OPN3: variants seen among roughly 807,000 people sequenced by gnomAD.
The protein encoded by OPN3 is opsin-3.
A neutral mutation model predicts 33.8 loss-of-function variants in OPN3; 29 were observed. That is an observed-to-expected ratio of 0.86 (90% CI 0.64 to 1.17). The LOEUF (loss-of-function observed/expected upper bound fraction) is 1.17. OPN3 is among the 50% of genes most tolerant of loss of function. The pLI, the probability that OPN3 is intolerant of heterozygous loss-of-function variation, is 0.00. For synonymous variants in OPN3, 216 were observed against 216.1 expected (o/e 1.00, Z 0.00); for missense variants, 437 against 514.1 (o/e 0.85, Z 1.45).
chr1:241,622,391 A>G (rs115101121), intron 1 of OPN3, among the ~76,000 whole-genome samples: 4 of 152,196 alleles, frequency 2.6e-5, no homozygotes, highest in Non-Finnish European at 4.4e-5. Flanking sequence ...ATGCTTTCTT[A>G]TAACTTGCCA....
chr1:241,632,782 G>T (rs1045000162), intron 1 of OPN3: 1 of 152,056 alleles, frequency 6.6e-6, no homozygotes, highest in African/African-American at 2.4e-5. Context: ...CAACAAGGTG[G>T]TATGTTTCAT....
chr1:241,607,648 A>G lies in OPN3; in HGVS notation c.374-3069T>C, dbSNP rs191281125. On this transcript the variant is annotated intron_variant, in intron 1 of 3. Transcript: ENST00000366554. ...AGAAAAAGAAAAAGGAAGAAAGAAG[A>G]AAGAAGAAAGAAAGAAAGAAAAAGG... 2.0e-5 allele frequency among the ~76,000 whole-genome samples: 3 copies of G among 150,968 alleles called. No homozygotes were observed. The East Asian group carries it at 5.9e-4, about 30-fold the overall frequency.
intron 1 of OPN3, chr1:241,630,810 T>C (rs951910080): frequency 4.6e-5 from 7 of 152,140 alleles, no homozygotes; most frequent in Non-Finnish European, 8.8e-5. Context: ...AAAAGTTATC[T>C]GTAATTAATA....
At position 241,629,633 on chromosome 1, in the gene OPN3, C is replaced by T. The variant is rs557431676; in HGVS notation, c.373+10249G>A. 5.3e-5 allele frequency: 8 copies of T among 152,130 alleles called. No individual in the cohort carries two copies. In the South Asian group the frequency reaches 1.5e-3, roughly 28 times the overall value. 9.4% of individuals were successfully genotyped at this position (152,130 alleles called of 1,614,324 possible). ...TTTAAAACTTTTTCTCTTAGTTGAT[C>T]TACCTTGCCAATTGCCATGAAGTTC... On this transcript the variant is annotated intron_variant, in intron 1 of 3. Coordinates refer to ENST00000366554, the MANE Select transcript of OPN3 (RefSeq NM_014322.3).
chr1:241,609,021 C>T (rs1308525389), intron 1 of OPN3, among the ~76,000 whole-genome samples: 1 of 152,094 alleles, frequency 6.6e-6, no homozygotes, highest in East Asian at 1.9e-4. Flanking sequence ...TATTTGATTC[C>T]CACAACACTC....
At chr1:241,634,300 T>C (rs747297803) in intron 1 of OPN3, 1 of 1,614,006 alleles carries the variant, frequency 6.2e-7, no homozygotes, top group South Asian at 1.1e-5. Context: ...CTGTGACCCG[T>C]ACAGCACAAG....
chr1:241,606,915 T>C (rs1345377295), intron 1 of OPN3, among the ~76,000 whole-genome samples: 5 of 152,236 alleles, frequency 3.3e-5, no homozygotes, highest in African/African-American at 1.2e-4. Flanking sequence ...CAATCTCTTT[T>C]TGTTTTCATA....
intron 1 of OPN3, among the ~76,000 whole-genome samples, chr1:241,627,308 C>G (rs556415085): frequency 1.2e-3 from 187 of 151,926 alleles, no homozygotes; most frequent in Non-Finnish European, 2.2e-3. Context: ...GAAGCCACCA[C>G]TTTTTAAATA....
rs746282024 is a variant in OPN3 at position 241,635,234 on chromosome 1, T to G, written c.373+4648A>C. Reference sequence around the variant, plus strand: ...AGTTTTATCTCCACAATACTTTTCCTTCTCCACTGATTCCTCTACATCAGT... The same window carrying G: ...AGTTTTATCTCCACAATACTTTTCCGTCTCCACTGATTCCTCTACATCAGT... On this transcript the variant is annotated intron_variant, in intron 1 of 3. Transcript: ENST00000366554. 80 of 1,613,654 alleles carry G rather than the reference T, an allele frequency of 5.0e-5. No individual in the cohort carries two copies. The highest frequency in any genetic ancestry group is 6.5e-5 in the Non-Finnish European group (77 of 1,179,938).
intron 3 of OPN3, chr1:241,595,017 G>A (rs576679645): frequency 2.8e-5 from 6 of 213,622 alleles, no homozygotes; most frequent in African/African-American, 1.4e-4. Context: ...CAAATATTCA[G>A]TGGGCATCTA....
rs2148000122 is a variant in OPN3, at chr1:241,603,331, G to A, written c.693+929C>T. Reference sequence around the variant, plus strand: ...CAGACTTACTTGATAAGAATGAGAGGAGACAGTAGGGTGAGAAATTAAAAT... The same window carrying A: ...CAGACTTACTTGATAAGAATGAGAGAAGACAGTAGGGTGAGAAATTAAAAT... On this transcript the variant is annotated intron_variant, in intron 2 of 3. Transcript: ENST00000366554. 4.6e-5 allele frequency among the ~76,000 whole-genome samples: 7 copies of A among 152,290 alleles called. No homozygotes were observed. In the South Asian group the frequency reaches 1.5e-3, roughly 32 times the overall value.
chr1:241,626,265 A>C (rs1664415884), intron 1 of OPN3, among the ~76,000 whole-genome samples: 1 of 152,322 alleles, frequency 6.6e-6, no homozygotes, highest in African/African-American at 2.4e-5. Context: ...GAGCCACTGG[A>C]AACTGCTAGC....
chr1:241,635,975 TGA>T, intron 1 of OPN3: 1 of 532,822 alleles, frequency 1.9e-6, no homozygotes, highest in South Asian at 3.2e-5. Context: ...TAATCACATC[TGA>T]GAATACTAAA....
intron 1 of OPN3, 68 bp downstream of exon 1, chr1:241,639,814 G>C: frequency 7.4e-7 from 1 of 1,354,106 alleles, no homozygotes; most frequent in Non-Finnish European, 9.6e-7. Context: ...GCGGACGCAC[G>C]GAGCGGGCAG....
intron 1 of OPN3, chr1:241,634,899 T>TGA (rs1558447836): frequency 6.2e-7 from 1 of 1,611,064 alleles, no homozygotes; most frequent in Middle Eastern, 1.7e-4. Flanking sequence ...TCAACCATGG[T>TGA]GAGTTCCTTG....
chr1:241,594,432 A>G lies in OPN3; in HGVS notation c.1205T>C (p.Leu402Ser). 1 of 1,610,906 alleles carries G rather than the reference A, an allele frequency of 6.2e-7. No individual in the cohort carries two copies. Among genetic ancestry groups the G allele is most frequent in the Non-Finnish European group, 8.5e-7 (1 of 1,177,460 alleles). ...SKVDVIQVRP[L>S] ...TTTCGTTGCCATTCTTCATTCCTAC[A>G]AAGGACGAACTTGGATTACATCAAC... is the stretch of plus-strand genomic sequence containing the variant. The change falls in exon 4 of 4, where the codon TTG becomes TCG. Residue 402 changes from leucine (L) to serine (S), a missense_variant. Transcript: ENST00000366554.
chr1:241,626,982 C>T (rs529273420), intron 1 of OPN3, among the ~76,000 whole-genome samples: 7 of 152,302 alleles, frequency 4.6e-5, no homozygotes, highest in African/African-American at 1.7e-4. Context: ...GTCAACCCTG[C>T]ACCTCTGAAT....
intron 1 of OPN3, chr1:241,639,333 G>C (rs1665022304): frequency 6.6e-6 from 1 of 152,184 alleles, no homozygotes; most frequent in Non-Finnish European, 1.5e-5. Flanking sequence ...TCATTCCCTA[G>C]AAAGCATTCA....
chr1:241,612,737 A>C (rs1287236862), intron 1 of OPN3, among the ~76,000 whole-genome samples: 1 of 152,218 alleles, frequency 6.6e-6, no homozygotes, highest in Non-Finnish European at 1.5e-5. Flanking sequence ...GGTCCTACGT[A>C]CCAGTGAAAC....
Sources: gnomAD v4.1 joint callset for allele counts (sites outside exome capture counted in the v4.1 genomes callset) on GRCh38, gnomAD v4.1.1 for gene constraint, MANE v1.5 for transcripts, NCBI Gene and HGNC (gene_info 2026-07-23, HGNC 2026-07-21) for gene names.